KALRN: variants seen among roughly 807,000 people sequenced by gnomAD.
KALRN encodes kalirin RhoGEF kinase.
KALRN carries 70 observed loss-of-function variants against 353.7 expected under a neutral mutation model. The observed-to-expected ratio is 0.20, with a 90% confidence interval of 0.16 to 0.24. The LOEUF is 0.24. Among genes scored for constraint, KALRN ranks in the 10% least tolerant of loss-of-function variants. The probability of loss-of-function intolerance (pLI) is 1.00; values close to 1 mark genes in which losing one functional copy is unlikely to be tolerated. For synonymous variants in KALRN, 1,391 were observed against 1,434.8 expected (o/e 0.97, Z 0.69); for missense variants, 2,791 against 3,756.7 (o/e 0.74, Z 6.72).
chr3:124,683,259 A>T (rs540178051), intron 51 of KALRN, among the ~76,000 whole-genome samples: 23 of 152,274 alleles, frequency 1.5e-4, no homozygotes, highest in African/African-American at 5.3e-4. Context: ...ATGCCCAGCC[A>T]CCACCTTTTT....
chr3:124,407,224 C>G (rs1278007078), intron 13 of KALRN, among the ~76,000 whole-genome samples: 1 of 152,134 alleles, frequency 6.6e-6, no homozygotes, highest in Non-Finnish European at 1.5e-5. Flanking sequence ...AATAAGTTAA[C>G]ACATAATATG....
At chr3:124,150,962 A>C (rs1470639867) in intron 1 of KALRN, among the ~76,000 whole-genome samples, 1 of 152,206 alleles carries the variant, frequency 6.6e-6, no homozygotes, top group Admixed American at 6.5e-5. Flanking sequence ...TAGAATCCTA[A>C]AATACACACT....
At chr3:124,705,102 G>A (rs1477023651) in intron 57 of KALRN, among the ~76,000 whole-genome samples, 1 of 152,128 alleles carries the variant, frequency 6.6e-6, no homozygotes, top group Admixed American at 6.5e-5. Context: ...AACTATACAG[G>A]CAACAATGCA....
intron 1 of KALRN, among the ~76,000 whole-genome samples, chr3:124,062,900 G>C (rs2042085106): frequency 6.6e-6 from 1 of 152,140 alleles, no homozygotes; most frequent in Non-Finnish European, 1.5e-5. Flanking sequence ...TTGGAAACCT[G>C]GTCACCTCGG....
chr3:124,105,477 A>G (rs1455441302), intron 1 of KALRN, among the ~76,000 whole-genome samples: 1 of 152,140 alleles, frequency 6.6e-6, no homozygotes, highest in Non-Finnish European at 1.5e-5. Context: ...AGTAGTGTAG[A>G]CTGTTTTTCG....
intron 1 of KALRN, chr3:124,162,317 T>A (rs779262760): frequency 1.3e-5 from 2 of 152,140 alleles, no homozygotes; most frequent in Non-Finnish European, 2.9e-5. Flanking sequence ...ACTGCCTTAA[T>A]GTGGTCAGGA....
At chr3:124,570,475 G>T (rs1017657927) in intron 34 of KALRN, among the ~76,000 whole-genome samples, 3 of 152,144 alleles carry the variant, frequency 2.0e-5, no homozygotes, top group African/African-American at 7.2e-5. Flanking sequence ...GTGAGAACAG[G>T]TTTCCACACT....
intron 9 of KALRN, among the ~76,000 whole-genome samples, chr3:124,342,171 T>C (rs1214048175): frequency 6.6e-6 from 1 of 152,048 alleles, no homozygotes; most frequent in African/African-American, 2.4e-5. Flanking sequence ...TATTTATTTA[T>C]TTATTTTTGT....
chr3:124,089,640 C>CT (rs112710737), intron 1 of KALRN, among the ~76,000 whole-genome samples: 217 of 144,618 alleles, frequency 1.5e-3, no homozygotes, highest in Middle Eastern at 3.6e-3. Flanking sequence ...ATATTTCCAG[C>CT]TTTTTTTTTT....
intron 33 of KALRN, among the ~76,000 whole-genome samples, chr3:124,558,184 TG>T (rs35471248): frequency 2.0e-5 from 3 of 152,190 alleles, no homozygotes; most frequent in Admixed American, 2.0e-4. Flanking sequence ...TGATACAGTC[TG>T]TTACCAAACA....
chr3:124,318,761 G>T (rs769245097), intron 6 of KALRN, among the ~76,000 whole-genome samples: 2 of 152,144 alleles, frequency 1.3e-5, no homozygotes, highest in Non-Finnish European at 2.9e-5. Flanking sequence ...AATATAAGCT[G>T]CAGGGCACAA....
intron 1 of KALRN, among the ~76,000 whole-genome samples, chr3:124,101,667 G>T (rs145976495): frequency 1.3e-5 from 2 of 152,038 alleles, no homozygotes; most frequent in African/African-American, 4.8e-5. Context: ...CCTTTTCCTC[G>T]CTCTCATCCT....
chr3:124,659,381 T>C lies in KALRN; in HGVS notation c.6140T>C (p.Ile2047Thr), dbSNP rs1423420623. ...DAYFEEVKQE[I>T]NQRLTLSDFL... ...GTGTTTCAGGAGGTAAAACAGGAGA[T>C]AAATCAGAGGCTGACACTGAGTGAC... is the stretch of plus-strand genomic sequence containing the variant. Residue 2047 changes from isoleucine (I) to threonine (T), a missense_variant, in exon 43 of 60, where the codon ATA (isoleucine) becomes ACA (threonine). Physicochemically the swap from Ile to Thr is moderately conservative, Grantham distance 89. This residue lies in a region of KALRN where 1,065 missense variants were observed against 1,156.4 expected (regional missense o/e 0.92). Transcript: ENST00000682506. 6.2e-7 allele frequency: 1 copy of C among 1,613,298 alleles called. No homozygotes were observed. The highest frequency in any genetic ancestry group is 1.7e-5 in the Admixed American group (1 of 60,024).
At chr3:124,348,506 C>T (rs1016255554) in intron 10 of KALRN, among the ~76,000 whole-genome samples, 5 of 152,166 alleles carry the variant, frequency 3.3e-5, no homozygotes, top group South Asian at 2.1e-4. Flanking sequence ...ATGTCAGTGG[C>T]GACCTGAGCC....
intron 33 of KALRN, among the ~76,000 whole-genome samples, chr3:124,505,738 A>C (rs1302841795): frequency 6.6e-6 from 1 of 152,236 alleles, no homozygotes; most frequent in Non-Finnish European, 1.5e-5. Flanking sequence ...GGTGGCTTTG[A>C]AGCTGTGGCT....
intron 46 of KALRN, 139 bp downstream of exon 46, chr3:124,666,773 T>G (rs2085686437): frequency 1.3e-6 from 1 of 753,160 alleles, no homozygotes; most frequent in Non-Finnish European, 2.2e-6. Flanking sequence ...TCATGGAGGC[T>G]GCACGACAGT....
At chr3:124,664,369 G>GCA (rs1203269150) in intron 45 of KALRN, among the ~76,000 whole-genome samples, 3 of 111,530 alleles carry the variant, frequency 2.7e-5, no homozygotes, top group Non-Finnish European at 1.8e-5. Context: ...GTGTGTGTGT[G>GCA]TGCGCGCGCG....
At chr3:124,594,875 C>T (rs2076131011) in intron 34 of KALRN, among the ~76,000 whole-genome samples, 1 of 152,096 alleles carries the variant, frequency 6.6e-6, no homozygotes, top group Admixed American at 6.5e-5. Context: ...ATCTTCTCAC[C>T]CTGGGGCCTT....
chr3:124,232,497 G>A (rs1261588526), intron 2 of KALRN, among the ~76,000 whole-genome samples: 1 of 152,142 alleles, frequency 6.6e-6, no homozygotes, highest in African/African-American at 2.4e-5. Flanking sequence ...CTGCCTCAGA[G>A]AGGGGGGCAG....
Sources: allele counts gnomAD v4.1 joint callset (sites outside exome capture counted in the v4.1 genomes callset), GRCh38; gene constraint gnomAD v4.1.1; regional missense constraint gnomAD v4.1.1; transcripts MANE v1.5; gene names NCBI Gene and HGNC (gene_info 2026-07-23, HGNC 2026-07-21).